Variants in SKIC3 observed in about 807,000 individuals in gnomAD.
SKIC3 encodes the protein superkiller complex protein 3.
At chr5:95,464,015 C>A in the SKIC3 span, 1 of 152,182 alleles carries the variant, frequency 6.6e-6, no homozygotes, top group African/African-American at 2.4e-5. Context: ...CATTCACACA[C>A]CTGAGTGTTT....
At chr5:95,524,597 C>T in the SKIC3 span, 2 of 1,613,066 alleles carry the variant, frequency 1.2e-6, no homozygotes, top group African/African-American at 2.7e-5. Flanking sequence ...GAAAACTAAG[C>T]CACCAAAGGG....
chr5:95,473,100 C>A, the SKIC3 span, among the ~76,000 whole-genome samples: 11 of 152,088 alleles, frequency 7.2e-5, no homozygotes, highest in African/African-American at 2.7e-4. Flanking sequence ...GTATGATGAT[C>A]TATTTTCCTT....
chr5:95,487,164 G>C, the SKIC3 span, among the ~76,000 whole-genome samples: 1 of 152,162 alleles, frequency 6.6e-6, no homozygotes, highest in Non-Finnish European at 1.5e-5. Context: ...TCCCATGCTG[G>C]ATGCTTCCTG....
At chr5:95,501,659 GT>G in the SKIC3 span, among the ~76,000 whole-genome samples, 5 of 151,812 alleles carry the variant, frequency 3.3e-5, no homozygotes, top group African/African-American at 7.2e-5. Context: ...CGGGGTAAAG[GT>G]TTGCCTTCAC....
At chr5:95,487,462 C>T in the SKIC3 span, among the ~76,000 whole-genome samples, 1 of 152,170 alleles carries the variant, frequency 6.6e-6, no homozygotes, top group South Asian at 2.1e-4. Flanking sequence ...GACAGGCAAG[C>T]TTAGCCAACT....
the SKIC3 span, among the ~76,000 whole-genome samples, chr5:95,492,839 C>T: frequency 6.6e-6 from 1 of 151,894 alleles, no homozygotes; most frequent in Admixed American, 6.6e-5. Context: ...GTATAGTTTG[C>T]ATTTCTGATT....
chr5:95,544,737 T>C, the SKIC3 span, among the ~76,000 whole-genome samples: 3 of 152,228 alleles, frequency 2.0e-5, no homozygotes, highest in African/African-American at 7.2e-5. Flanking sequence ...GTACTGACTA[T>C]CTGCCTGATG....
chr5:95,520,001 A>AT, the SKIC3 span, among the ~76,000 whole-genome samples: 1 of 152,070 alleles, frequency 6.6e-6, no homozygotes, highest in Non-Finnish European at 1.5e-5. Flanking sequence ...ATGAAAAGCA[A>AT]TTCTGGAACA....
At chr5:95,554,794 C>T in the SKIC3 span, 1 of 158,512 alleles carries the variant, frequency 6.3e-6, no homozygotes, top group African/African-American at 2.4e-5. Flanking sequence ...CATCGCCGCC[C>T]AGTTCACGCT....
chr5:95,475,779 A>T, the SKIC3 span, among the ~76,000 whole-genome samples: 1 of 152,208 alleles, frequency 6.6e-6, no homozygotes, highest in Non-Finnish European at 1.5e-5. Context: ...AGGCGTATAC[A>T]TTAGCAAGAT....
chr5:95,498,881 T>C, the SKIC3 span, among the ~76,000 whole-genome samples: 1 of 152,192 alleles, frequency 6.6e-6, no homozygotes, highest in East Asian at 1.9e-4. Flanking sequence ...CATCTCGGCC[T>C]CCCAAAGTGC....
At chr5:95,484,698 G>A in the SKIC3 span, 1 of 1,613,786 alleles carries the variant, frequency 6.2e-7, no homozygotes, top group Non-Finnish European at 8.5e-7. Flanking sequence ...GAATCCATGA[G>A]TTTCAATGCA....
At chr5:95,516,275 AGAAGCT>A in the SKIC3 span, 46 of 1,508,878 alleles carry the variant, frequency 3.0e-5, no homozygotes, top group Non-Finnish European at 4.1e-5. Flanking sequence ...TTTCTCCACA[AGAAGCT>A]GAGCTATTGA....
the SKIC3 span, chr5:95,498,422 G>A: frequency 3.7e-6 from 6 of 1,614,198 alleles, no homozygotes; most frequent in Admixed American, 3.3e-5. Context: ...CGGCCTTGGA[G>A]TGCATAAATC....
chr5:95,536,540 A>G, the SKIC3 span: 5 of 378,972 alleles, frequency 1.3e-5, no homozygotes, highest in Non-Finnish European at 2.4e-5. Flanking sequence ...CCTAGTTTCT[A>G]TAAAAAATTC....
chr5:95,502,848 T>C, the SKIC3 span: 2 of 1,610,376 alleles, frequency 1.2e-6, no homozygotes, highest in Non-Finnish European at 1.7e-6. Context: ...AAGTATCTGG[T>C]CATGTTAAGT....
chr5:95,547,160 G>A, the SKIC3 span: 1 of 1,611,796 alleles, frequency 6.2e-7, no homozygotes, highest in Non-Finnish European at 8.5e-7. Context: ...TTCTGTCAAG[G>A]CAGAAAGCCT....
At chr5:95,478,090 G>C in the SKIC3 span, among the ~76,000 whole-genome samples, 1 of 151,546 alleles carries the variant, frequency 6.6e-6, no homozygotes, top group African/African-American at 2.4e-5. Context: ...CCCAAACATC[G>C]ACAATATTCT....
At chr5:95,523,271 G>A in the SKIC3 span, 1 of 1,613,902 alleles carries the variant, frequency 6.2e-7, no homozygotes, top group African/African-American at 1.3e-5. Context: ...GGCCCATTTT[G>A]CCGTTCCAGC....
Sources: allele counts gnomAD v4.1 joint callset (sites outside exome capture counted in the v4.1 genomes callset), GRCh38; gene constraint gnomAD v4.1.1; transcripts MANE v1.5; gene names NCBI Gene and HGNC (gene_info 2026-07-23, HGNC 2026-07-21).